FOXK2: variants seen among roughly 807,000 people sequenced by gnomAD.
FOXK2 encodes the protein forkhead box protein K2.
Under a neutral mutation model 53.3 loss-of-function variants are expected in FOXK2, and 24 were observed. That is an observed-to-expected ratio of 0.45 (90% CI 0.33 to 0.63). The LOEUF is 0.63. Ranked by LOEUF, FOXK2 falls within the 30% of genes least tolerant of loss-of-function variation. FOXK2 has a pLI of 0.03. For missense variants in FOXK2, 952 were observed against 910.5 expected (o/e 1.05, Z -0.59); for synonymous variants, 505 against 407.1 (o/e 1.24, Z -2.89).
At chr17:82,529,168 T>G (rs1034998916) in intron 1 of FOXK2, among the ~76,000 whole-genome samples, 2 of 151,720 alleles carry the variant, frequency 1.3e-5, no homozygotes, top group African/African-American at 4.8e-5. Context: ...GATTCCTGCT[T>G]AAAACCTTTA....
chr17:82,571,615 T>G, intron 3 of FOXK2, 109 bp from the exon 4 acceptor site: 4 of 1,142,408 alleles, frequency 3.5e-6, no homozygotes, highest in Non-Finnish European at 4.7e-6. Context: ...AAAAGACAAA[T>G]GAGGTATCAG....
intron 1 of FOXK2, among the ~76,000 whole-genome samples, chr17:82,558,643 T>C (rs1319172558): frequency 6.6e-6 from 1 of 151,994 alleles, no homozygotes; most frequent in African/African-American, 2.4e-5. Flanking sequence ...CGGCGGGGAG[T>C]CTGTTCTGCT....
chr17:82,569,663 G>C (rs1197969690), intron 3 of FOXK2, among the ~76,000 whole-genome samples: 1 of 152,172 alleles, frequency 6.6e-6, no homozygotes, highest in African/African-American at 2.4e-5. Flanking sequence ...AAAAATCACA[G>C]GGAAGTCAAC....
intron 1 of FOXK2, among the ~76,000 whole-genome samples, chr17:82,549,891 AT>A (rs2044659886): frequency 1.3e-5 from 2 of 152,208 alleles, no homozygotes; most frequent in South Asian, 4.1e-4. Flanking sequence ...GAATGAAAAC[AT>A]GGGACCTGTA....
At chr17:82,531,634 A>G (rs1324309277) in intron 1 of FOXK2, among the ~76,000 whole-genome samples, 1 of 152,188 alleles carries the variant, frequency 6.6e-6, no homozygotes, top group Non-Finnish European at 1.5e-5. Context: ...ATGCTGTAAC[A>G]TGGTGTTTGT....
At chr17:82,561,190 TG>T (rs1363593615) in intron 1 of FOXK2, among the ~76,000 whole-genome samples, 3 of 152,154 alleles carry the variant, frequency 2.0e-5, no homozygotes, top group African/African-American at 7.2e-5. Context: ...CACTGGTGGA[TG>T]GACTCCTGTA....
chr17:82,554,158 AGGGAATAGTTT>A (rs920339877), intron 1 of FOXK2, among the ~76,000 whole-genome samples: 2 of 152,126 alleles, frequency 1.3e-5, no homozygotes, highest in Non-Finnish European at 2.9e-5. Context: ...AACTGGTTGT[AGGGAATAGTTT>A]GACAAATCGG....
chr17:82,572,086 C>G (rs893698202), intron 4 of FOXK2: 12 of 434,392 alleles, frequency 2.8e-5, no homozygotes, highest in African/African-American at 2.0e-4. Flanking sequence ...GGAGGAGCGT[C>G]TAGGCCTGCA....
At chr17:82,596,024 G>GC in intron 8 of FOXK2, 3 of 1,145,776 alleles carry the variant, frequency 2.6e-6, no homozygotes, top group Non-Finnish European at 3.3e-6. Context: ...GTCACACTGC[G>GC]CGTCTGTGCA....
chr17:82,535,748 G>GTTTTTTTTTTTTTTT (rs138654812), intron 1 of FOXK2, among the ~76,000 whole-genome samples: 1 of 140,108 alleles, frequency 7.1e-6, no homozygotes, highest in African/African-American at 2.6e-5. Context: ...GTGTGTTTTT[G>GTTTTTTTTTTTTTTT]TTTTTGTTTT....
chr17:82,562,610 C>T (rs2044809122), intron 1 of FOXK2, among the ~76,000 whole-genome samples: 1 of 151,368 alleles, frequency 6.6e-6, no homozygotes, highest in African/African-American at 2.4e-5. Flanking sequence ...AATTATTTTT[C>T]TTAAATAAGA....
chr17:82,577,170 GA>G, intron 4 of FOXK2: 1 of 942,980 alleles, frequency 1.1e-6, no homozygotes, highest in Non-Finnish European at 1.6e-6. Flanking sequence ...CTCAAAAAAA[GA>G]AAAAGAAAAA....
chr17:82,582,702 T>C, intron 4 of FOXK2, 39 bp from the exon 5 acceptor site: 1 of 1,490,132 alleles, frequency 6.7e-7, no homozygotes, highest in Non-Finnish European at 9.0e-7. Context: ...TCTCAGCAAA[T>C]AAATATATGA....
intron 2 of FOXK2, among the ~76,000 whole-genome samples, chr17:82,564,384 T>G (rs948062797): frequency 4.1e-5 from 5 of 121,388 alleles, no homozygotes; most frequent in East Asian, 2.4e-4. Flanking sequence ...GCTGGTTTTT[T>G]TTTGTTTGTT....
chr17:82,535,891 C>T (rs951937687), intron 1 of FOXK2, among the ~76,000 whole-genome samples: 4 of 151,750 alleles, frequency 2.6e-5, no homozygotes, highest in Non-Finnish European at 4.4e-5. Flanking sequence ...TACAGGCATG[C>T]GCCACCATGC....
chr17:82,567,713 C>A (rs2144122442), intron 2 of FOXK2, among the ~76,000 whole-genome samples: 1 of 151,848 alleles, frequency 6.6e-6, no homozygotes, highest in East Asian at 1.9e-4. Flanking sequence ...CACTTTGTGT[C>A]TTTAATAAGT....
At chr17:82,577,103 G>A in intron 4 of FOXK2, 3 of 513,836 alleles carry the variant, frequency 5.8e-6, no homozygotes, top group Non-Finnish European at 1.1e-5. Flanking sequence ...CGGAGACTGC[G>A]GTGAGCTGAT....
In FOXK2 at chr17:82,528,895, C is replaced by T. The variant is rs115965326; in HGVS notation, c.419+8588C>T. Among the ~76,000 whole-genome samples, 74 of 152,274 alleles carry T rather than the reference C, an allele frequency of 4.9e-4. 1 individual carries two copies. The highest frequency in any genetic ancestry group is 3.4e-3 in the Middle Eastern group (1 of 294). Reference sequence around the variant, plus strand: ...TGTGAAGGGCATTGGAGTACGACACCGGGGTGAGTCTGCCTCCTTCCCCTC... The same window carrying T: ...TGTGAAGGGCATTGGAGTACGACACTGGGGTGAGTCTGCCTCCTTCCCCTC... On this transcript the variant is annotated intron_variant, in intron 1 of 8. Transcript: ENST00000335255.
intron 1 of FOXK2, among the ~76,000 whole-genome samples, chr17:82,557,689 T>G (rs2044746094): frequency 6.6e-6 from 1 of 151,252 alleles, no homozygotes; most frequent in Non-Finnish European, 1.5e-5. Context: ...TGCTCTGTTG[T>G]CCAGGCTAGA....
Sources: allele counts gnomAD v4.1 joint callset (sites outside exome capture counted in the v4.1 genomes callset), GRCh38; gene constraint gnomAD v4.1.1; transcripts MANE v1.5; gene names NCBI Gene and HGNC (gene_info 2026-07-23, HGNC 2026-07-21).